Variants in KCTD16 observed in about 807,000 individuals in gnomAD.
KCTD16 encodes the protein potassium channel tetramerization domain containing 16.
In KCTD16, 13 loss-of-function variants were observed where a neutral mutation model predicts 33.2. The ratio of observed to expected loss-of-function variants is 0.39; its 90% CI spans 0.25 to 0.62. The LOEUF (loss-of-function observed/expected upper bound fraction) is 0.62, where lower values mean the gene tolerates loss of function less well. Ranked by LOEUF, KCTD16 falls within the 20% of genes least tolerant of loss-of-function variation. The pLI is 0.50. For missense variants in KCTD16, 441 were observed against 525.1 expected, an observed-to-expected ratio of 0.84 and a Z score of 1.57; for synonymous variants, 197 against 195.3, an observed-to-expected ratio of 1.01 and a Z score of -0.07.
At chr5:144,467,423 A>C (rs1425962886) in intron 3 of KCTD16, among the ~76,000 whole-genome samples, 1 of 152,116 alleles carries the variant, frequency 6.6e-6, no homozygotes, top group Non-Finnish European at 1.5e-5. Context: ...CTGCTACTGT[A>C]TGCCCTGGCA....
intron 3 of KCTD16, among the ~76,000 whole-genome samples, chr5:144,373,929 G>T (rs1343565033): frequency 2.0e-5 from 3 of 152,140 alleles, no homozygotes; most frequent in Non-Finnish European, 4.4e-5. Flanking sequence ...ATGTATTATC[G>T]TACAGTTCTG....
Position 144,338,566 on chromosome 5 carries a change from TG to T in KCTD16, c.832+131021del, listed in dbSNP as rs760317645. On this transcript the variant is annotated intron_variant, in intron 3 of 3. Coordinates refer to ENST00000512467, the MANE Select transcript of KCTD16 (RefSeq NM_020768.4). Reference sequence around the variant, plus strand: ...CTTTGAGAAGTGGAATTTCTTTTACTGCCTGATGAAAGAAAAAACCCTGGGG... The same window carrying T: ...CTTTGAGAAGTGGAATTTCTTTTACTCCTGATGAAAGAAAAAACCCTGGGG... Among the ~76,000 whole-genome samples, 6 of 152,216 alleles carry T rather than the reference TG, an allele frequency of 3.9e-5. No individual in the cohort carries two copies. In the East Asian group the frequency reaches 1.2e-3, roughly 29 times the overall value.
At chr5:144,259,705 G>A (rs1457456545) in intron 3 of KCTD16, among the ~76,000 whole-genome samples, 1 of 152,188 alleles carries the variant, frequency 6.6e-6, no homozygotes, top group Non-Finnish European at 1.5e-5. Flanking sequence ...TGGCTGACTA[G>A]GTGATGGTGA....
In KCTD16 at chr5:144,479,455, C is replaced by G. The variant is rs1754662831; in HGVS notation, c.*5341C>G. 1 of 149,962 alleles carries G rather than the reference C, an allele frequency of 6.7e-6. No individual in the cohort carries two copies. The highest frequency in any genetic ancestry group is 6.7e-5 in the Admixed American group (1 of 15,012). The allele number at this position is 149,962 out of a possible 1,614,324, so 9.3% of individuals were successfully genotyped here. Reference sequence around the variant, plus strand: ...GATCCAATTGACCCTATTCATTTAACAGAGTAACTGGATACATACCAAATT... The same window carrying G: ...GATCCAATTGACCCTATTCATTTAAGAGAGTAACTGGATACATACCAAATT... On this transcript the variant is annotated 3_prime_UTR_variant, in exon 4 of 4. Coordinates refer to ENST00000512467, the MANE Select transcript of KCTD16 (RefSeq NM_020768.4).
intron 3 of KCTD16, among the ~76,000 whole-genome samples, chr5:144,360,941 A>G (rs1751698274): frequency 6.6e-6 from 1 of 151,560 alleles, no homozygotes; most frequent in Non-Finnish European, 1.5e-5. Flanking sequence ...TTTAGGGTAC[A>G]TGTGCACAAT....
rs988383620 is a variant in KCTD16 at position 144,474,521 on chromosome 5, G to A, written c.*407G>A. 6.2e-6 allele frequency: 1 copy of A among 161,202 alleles called. No individual in the cohort carries two copies. Among genetic ancestry groups the A allele is most frequent in the African/African-American group, 2.4e-5 (1 of 41,506 alleles). The allele number at this position is 161,202 out of a possible 1,614,324, so 10.0% of individuals were successfully genotyped here. A position where few individuals can be genotyped will look rare whatever the true frequency, so the allele number is the denominator to read the frequency against. On this transcript the variant is annotated 3_prime_UTR_variant, in exon 4 of 4. Coordinates refer to ENST00000512467, the MANE Select transcript of KCTD16 (RefSeq NM_020768.4). ...AAAAAGATCTGGCCCAATGGCATAA[G>A]TTTGGAATTTTTAATTTTGGTTTTT...
rs1362584589 is a variant in KCTD16, at chr5:144,484,050, T to C, written c.*9936T>C. On this transcript the variant is annotated 3_prime_UTR_variant, in exon 4 of 4. Transcript: ENST00000512467. ...CTAACTTCATGTTCCTCTGTCATTT[T>C]ATTTTATTTATTTATTTTTAATTCC... 6.6e-6 allele frequency: 1 copy of C among 151,402 alleles called. No homozygotes were observed. Among genetic ancestry groups the C allele is most frequent in the African/African-American group, 2.4e-5 (1 of 40,900 alleles). The allele number at this position is 151,402 out of a possible 1,614,324, so 9.4% of individuals were successfully genotyped here. A position where few individuals can be genotyped will look rare whatever the true frequency, so the allele number is the denominator to read the frequency against.
chr5:144,458,396 G>T (rs1471121710), intron 3 of KCTD16, among the ~76,000 whole-genome samples: 1 of 152,122 alleles, frequency 6.6e-6, no homozygotes, highest in Non-Finnish European at 1.5e-5. Flanking sequence ...CACAACACCT[G>T]TACTGCACCA....
intron 3 of KCTD16, among the ~76,000 whole-genome samples, chr5:144,220,562 ATG>A (rs70995040): frequency 0.23 from 33,882 of 150,116 alleles, 4,361 homozygotes; most frequent in Non-Finnish European, 0.3. Context: ...ATGTATATTT[ATG>A]TGTGTGTGTG....
At chr5:144,213,141 C>T (rs1341978511) in intron 3 of KCTD16, among the ~76,000 whole-genome samples, 1 of 151,794 alleles carries the variant, frequency 6.6e-6, no homozygotes, top group African/African-American at 2.4e-5. Flanking sequence ...TTAAAGTTTC[C>T]TGATTTCTTC....
intron 3 of KCTD16, among the ~76,000 whole-genome samples, chr5:144,401,177 A>C: frequency 6.6e-6 from 1 of 152,336 alleles, no homozygotes; most frequent in Middle Eastern, 3.4e-3. Context: ...TCACATTCAC[A>C]TTCCTGCCAA....
intron 3 of KCTD16, among the ~76,000 whole-genome samples, chr5:144,459,317 G>A (rs906303739): frequency 2.6e-5 from 4 of 151,846 alleles, no homozygotes; most frequent in Non-Finnish European, 5.9e-5. Flanking sequence ...TGGCCTCCCT[G>A]GCTCAATTCT....
At chr5:144,432,186 C>T (rs1439377916) in intron 3 of KCTD16, among the ~76,000 whole-genome samples, 1 of 151,958 alleles carries the variant, frequency 6.6e-6, no homozygotes, top group Non-Finnish European at 1.5e-5. Context: ...ATAATGAAAC[C>T]AATATTATCT....
At chr5:144,182,085 C>CAA (rs371259746) in intron 2 of KCTD16, among the ~76,000 whole-genome samples, 3,069 of 119,368 alleles carry the variant, frequency 0.026, 97 homozygotes, top group African/African-American at 0.072. Context: ...AACTCCATCT[C>CAA]AAAAAAAAAA....
At chr5:144,221,843 C>G (rs544158418) in intron 3 of KCTD16, among the ~76,000 whole-genome samples, 1 of 152,326 alleles carries the variant, frequency 6.6e-6, no homozygotes, top group Non-Finnish European at 1.5e-5. Flanking sequence ...AATCCCCACA[C>G]TGTCTTCCAC....
At chr5:144,232,234 C>T (rs1754124326) in intron 3 of KCTD16, among the ~76,000 whole-genome samples, 1 of 152,082 alleles carries the variant, frequency 6.6e-6, no homozygotes, top group African/African-American at 2.4e-5. Context: ...ACTATTTTTC[C>T]CTTGTAAATC....
At chr5:144,311,543 C>A (rs1237145552) in intron 3 of KCTD16, among the ~76,000 whole-genome samples, 2 of 152,064 alleles carry the variant, frequency 1.3e-5, no homozygotes, top group Admixed American at 6.6e-5. Context: ...ATCATAGGAA[C>A]CCTAATTATC....
rs746480429 is a variant in KCTD16, at chr5:144,206,864, C to T, written c.150C>T (p.Leu50=). The T allele has an allele frequency of 5.6e-6, 9 of 1,614,172 alleles. No individual in the cohort carries two copies. In the South Asian group the frequency reaches 9.9e-5, roughly 18 times the overall value. ...CATTGATAAGCATCCCTCATTCCCT[C>T]CTGTGGAAAATGTTTTCCCCAAAGA... The part of the protein sequence containing the change: ...HSTLISIPHS[L]LWKMFSPKRD... The change falls in exon 3 of 4, where the codon CTC becomes CTT. Residue 50 remains leucine, a synonymous_variant. Transcript: ENST00000512467.
intron 2 of KCTD16, among the ~76,000 whole-genome samples, chr5:144,196,315 C>T (rs972417466): frequency 1.3e-5 from 2 of 152,012 alleles, no homozygotes; most frequent in Non-Finnish European, 2.9e-5. Context: ...CAGTGCCTCA[C>T]AATAATAAAA....
Sources: allele counts gnomAD v4.1 joint callset (sites outside exome capture counted in the v4.1 genomes callset), GRCh38; gene constraint gnomAD v4.1.1; transcripts MANE v1.5; gene names NCBI Gene and HGNC (gene_info 2026-07-23, HGNC 2026-07-21).